The following PPARGC1A variants were observed in gnomAD, a reference collection of about 807,000 sequenced individuals.
PPARGC1A encodes peroxisome proliferator-activated receptor gamma coactivator 1-alpha.
PPARGC1A carries 25 observed loss-of-function variants against 88.7 expected under a neutral mutation model. The observed-to-expected ratio is 0.28, with a 90% CI of 0.21 to 0.39. The LOEUF is 0.39. PPARGC1A is among the 10% of genes least tolerant of loss of function. PPARGC1A has a pLI of 1.00. For missense variants in PPARGC1A, 880 were observed against 968.7 expected, an observed-to-expected ratio of 0.91 and a Z score of 1.22; for synonymous variants, 363 against 355.6, an observed-to-expected ratio of 1.02 and a Z score of -0.24.
the PPARGC1A span, among the ~76,000 whole-genome samples, chr4:24,123,661 G>A: frequency 6.6e-6 from 1 of 152,228 alleles, no homozygotes; most frequent in Middle Eastern, 3.4e-3. Context: ...TAAGTCAGTG[G>A]TTCAAAGTCA....
the PPARGC1A span, among the ~76,000 whole-genome samples, chr4:24,261,340 G>GCCTCTGACCTCTCCAGAC: frequency 6.6e-6 from 1 of 152,054 alleles, no homozygotes; most frequent in Non-Finnish European, 1.5e-5. Flanking sequence ...AATCTTCAGA[G>GCCTCTGACCTCTCCAGAC]CCTCTGACCT....
the PPARGC1A span, among the ~76,000 whole-genome samples, chr4:24,285,909 G>A: frequency 6.6e-6 from 1 of 152,222 alleles, no homozygotes; most frequent in Admixed American, 6.5e-5. Context: ...ACAGTCAGCA[G>A]CAGCAGTGGT....
chr4:23,944,805 C>T, the PPARGC1A span, among the ~76,000 whole-genome samples: 1 of 152,176 alleles, frequency 6.6e-6, no homozygotes, highest in African/African-American at 2.4e-5. Flanking sequence ...GATGTGTTTG[C>T]TTCTCCTTCT....
chr4:23,969,208 G>A, the PPARGC1A span, among the ~76,000 whole-genome samples: 284 of 152,250 alleles, frequency 1.9e-3, no homozygotes, highest in African/African-American at 6.5e-3. Context: ...ATAGAGTCTC[G>A]ATAAATGTCT....
the PPARGC1A span, among the ~76,000 whole-genome samples, chr4:24,352,263 A>G: frequency 2.0e-5 from 3 of 152,132 alleles, no homozygotes; most frequent in Non-Finnish European, 2.9e-5. Context: ...GCTGGGGCAC[A>G]CAGCTCAAAG....
the PPARGC1A span, among the ~76,000 whole-genome samples, chr4:24,192,488 G>A: frequency 1.3e-5 from 2 of 152,116 alleles, no homozygotes; most frequent in Non-Finnish European, 2.9e-5. Context: ...GGTTTTCTTT[G>A]GGCAAAGGAT....
the PPARGC1A span, among the ~76,000 whole-genome samples, chr4:24,116,403 A>G: frequency 6.6e-6 from 1 of 152,204 alleles, no homozygotes; most frequent in African/African-American, 2.4e-5. Context: ...TCATGGTTTC[A>G]CTTTCAGGAG....
the PPARGC1A span, among the ~76,000 whole-genome samples, chr4:24,441,632 CTG>C: frequency 3.3e-5 from 5 of 152,004 alleles, no homozygotes; most frequent in East Asian, 9.7e-4. Context: ...CCCTACAGCC[CTG>C]GCTATTGTCC....
the PPARGC1A span, among the ~76,000 whole-genome samples, chr4:24,240,399 T>C: frequency 2.0e-5 from 3 of 152,204 alleles, no homozygotes; most frequent in Non-Finnish European, 2.9e-5. Flanking sequence ...ATCTTGGCAG[T>C]CTGAAGGGAG....
At chr4:24,358,705 T>C in the PPARGC1A span, among the ~76,000 whole-genome samples, 3 of 152,236 alleles carry the variant, frequency 2.0e-5, no homozygotes, top group Non-Finnish European at 4.4e-5. Flanking sequence ...ATACCGCCCA[T>C]GCCTTGTGAA....
At chr4:23,991,731 A>G in the PPARGC1A span, among the ~76,000 whole-genome samples, 2 of 151,998 alleles carry the variant, frequency 1.3e-5, no homozygotes, top group Admixed American at 6.6e-5. Context: ...CACTAACAAG[A>G]GGCATGGCAG....
the PPARGC1A span, among the ~76,000 whole-genome samples, chr4:24,360,621 G>A: frequency 6.6e-6 from 1 of 152,202 alleles, no homozygotes; most frequent in African/African-American, 2.4e-5. Context: ...CATCAAAGAT[G>A]TTCAGTACAT....
At chr4:24,283,553 A>G in the PPARGC1A span, among the ~76,000 whole-genome samples, 3 of 152,230 alleles carry the variant, frequency 2.0e-5, no homozygotes, top group Non-Finnish European at 4.4e-5. Flanking sequence ...AGGATAGTTC[A>G]GCTTTTCTTT....
the PPARGC1A span, among the ~76,000 whole-genome samples, chr4:24,274,460 G>A: frequency 1.3e-5 from 2 of 152,220 alleles, no homozygotes; most frequent in African/African-American, 4.8e-5. Context: ...TCGCTACTCA[G>A]TTCTGCTGTT....
the PPARGC1A span, among the ~76,000 whole-genome samples, chr4:24,131,490 C>A: frequency 2.0e-5 from 3 of 152,142 alleles, no homozygotes; most frequent in Non-Finnish European, 2.9e-5. Context: ...AGTAACTACA[C>A]GGCAAGATGG....
At chr4:24,242,905 A>G in the PPARGC1A span, among the ~76,000 whole-genome samples, 1 of 152,102 alleles carries the variant, frequency 6.6e-6, no homozygotes, top group African/African-American at 2.4e-5. Flanking sequence ...CAACTCAGAG[A>G]AAACAGTCTG....
chr4:23,921,368 G>C, the PPARGC1A span, among the ~76,000 whole-genome samples: 1 of 152,200 alleles, frequency 6.6e-6, no homozygotes, highest in Non-Finnish European at 1.5e-5. Flanking sequence ...CTACCACAAA[G>C]AGAAATGCAT....
chr4:24,086,868 A>T, the PPARGC1A span, among the ~76,000 whole-genome samples: 1 of 152,226 alleles, frequency 6.6e-6, no homozygotes, highest in Non-Finnish European at 1.5e-5. Flanking sequence ...TAAAGACGCT[A>T]CTATAATTAT....
At chr4:24,332,087 C>A in the PPARGC1A span, among the ~76,000 whole-genome samples, 1 of 151,438 alleles carries the variant, frequency 6.6e-6, no homozygotes, top group Non-Finnish European at 1.5e-5. Context: ...TTTTTCACAA[C>A]TGAGTTCTCA....
Sources: allele counts gnomAD v4.1 joint callset (sites outside exome capture counted in the v4.1 genomes callset), GRCh38; gene constraint gnomAD v4.1.1; transcripts MANE v1.5; gene names NCBI Gene and HGNC (gene_info 2026-07-23, HGNC 2026-07-21).